The following GPC5 variants were observed in gnomAD, a reference collection of about 807,000 sequenced individuals.
GPC5 encodes glypican-5.
In GPC5, 47 loss-of-function variants were observed where a neutral mutation model predicts 53.9. The observed-to-expected ratio is 0.87, with a 90% confidence interval of 0.69 to 1.11. The LOEUF is 1.11. Among genes scored for constraint, GPC5 ranks in the 50% most tolerant of loss-of-function variants. The probability of loss-of-function intolerance (pLI) is 0.00; values close to 1 mark genes in which losing one functional copy is unlikely to be tolerated. For synonymous variants in GPC5, 286 were observed against 263.3 expected (o/e 1.09, Z -0.84); for missense variants, 748 against 713.1 (o/e 1.05, Z -0.56).
At chr13:92,276,195 A>G (rs57179701) in intron 7 of GPC5, among the ~76,000 whole-genome samples, 12,975 of 152,064 alleles carry the variant, frequency 0.085, 608 homozygotes, top group Middle Eastern at 0.12. Flanking sequence ...TGCATGTCAA[A>G]TTTTGTTCCT....
At chr13:92,514,547 C>T (rs1335968694) in intron 7 of GPC5, among the ~76,000 whole-genome samples, 1 of 152,076 alleles carries the variant, frequency 6.6e-6, no homozygotes, top group Non-Finnish European at 1.5e-5. Flanking sequence ...TATTATCTCC[C>T]TTTCATAGAT....
chr13:91,680,896 T>C (rs2035492822), intron 2 of GPC5, among the ~76,000 whole-genome samples: 1 of 152,208 alleles, frequency 6.6e-6, no homozygotes, highest in Admixed American at 6.5e-5. Flanking sequence ...ATTTTTTGTT[T>C]TGGAAAATCC....
chr13:91,712,462 CATAA>C (rs1350144446), intron 3 of GPC5, among the ~76,000 whole-genome samples: 1 of 151,738 alleles, frequency 6.6e-6, no homozygotes, highest in Non-Finnish European at 1.5e-5. Context: ...AAGTATGAAT[CATAA>C]ATATTTTTAA....
At chr13:91,976,865 C>T (rs1215703290) in intron 6 of GPC5, among the ~76,000 whole-genome samples, 2 of 152,008 alleles carry the variant, frequency 1.3e-5, no homozygotes, top group African/African-American at 4.8e-5. Flanking sequence ...CATGGTGAAA[C>T]CCCGTCTCTA....
chr13:91,542,501 A>T (rs1025921181), intron 2 of GPC5, among the ~76,000 whole-genome samples: 1 of 152,038 alleles, frequency 6.6e-6, no homozygotes, highest in African/African-American at 2.4e-5. Context: ...TGTATTCATG[A>T]TTTTTTCCAG....
At chr13:91,580,051 A>G (rs1413560055) in intron 2 of GPC5, among the ~76,000 whole-genome samples, 1 of 151,336 alleles carries the variant, frequency 6.6e-6, no homozygotes, top group Non-Finnish European at 1.5e-5. Flanking sequence ...ATTAATCTCA[A>G]TACTTAAGGT....
chr13:92,005,010 G>T (rs1208410942), intron 6 of GPC5, among the ~76,000 whole-genome samples: 3 of 152,050 alleles, frequency 2.0e-5, no homozygotes, highest in Non-Finnish European at 2.9e-5. Flanking sequence ...TTGAGGGTGG[G>T]TCTGCCTTTC....
At chr13:92,083,145 G>A (rs935984454) in intron 6 of GPC5, among the ~76,000 whole-genome samples, 3 of 152,122 alleles carry the variant, frequency 2.0e-5, no homozygotes, top group Admixed American at 6.5e-5. Flanking sequence ...TTCCCTTTGG[G>A]GGACAAGAAT....
At chr13:92,707,622 CTCT>C (rs1887995781) in intron 7 of GPC5, among the ~76,000 whole-genome samples, 2 of 151,680 alleles carry the variant, frequency 1.3e-5, no homozygotes, top group Non-Finnish European at 2.9e-5. Flanking sequence ...CAAATGAAAG[CTCT>C]TCTTTAAAAA....
intron 7 of GPC5, chr13:92,448,837 ACTTTG>A (rs1877938673): frequency 6.9e-6 from 1 of 145,836 alleles, no homozygotes; most frequent in Admixed American, 6.8e-5. Flanking sequence ...TTGTTATGGA[ACTTTG>A]AGAGATTCCT....
At chr13:92,405,105 T>A (rs1301368153) in intron 7 of GPC5, among the ~76,000 whole-genome samples, 1 of 150,636 alleles carries the variant, frequency 6.6e-6, no homozygotes, top group East Asian at 1.9e-4. Flanking sequence ...TACATGCATT[T>A]AAGAAAGAAT....
intron 6 of GPC5, among the ~76,000 whole-genome samples, chr13:91,972,280 G>T (rs1028788322): frequency 2.0e-5 from 3 of 152,232 alleles, no homozygotes; most frequent in African/African-American, 7.2e-5. Flanking sequence ...CAGAGACTAG[G>T]ATTGCAACCC....
intron 7 of GPC5, among the ~76,000 whole-genome samples, chr13:92,697,016 G>C (rs1172020632): frequency 6.6e-6 from 1 of 151,994 alleles, no homozygotes; most frequent in Non-Finnish European, 1.5e-5. Context: ...GTAGATGTGT[G>C]GCATGATTTC....
At chr13:92,188,838 C>T (rs964185167) in intron 7 of GPC5, among the ~76,000 whole-genome samples, 10 of 152,310 alleles carry the variant, frequency 6.6e-5, no homozygotes, top group Admixed American at 2.0e-4. Context: ...CACCATGCCA[C>T]CCGACAGCAG....
At chr13:92,154,435 C>T (rs1481376873) in intron 7 of GPC5, among the ~76,000 whole-genome samples, 2 of 152,144 alleles carry the variant, frequency 1.3e-5, no homozygotes, top group Non-Finnish European at 2.9e-5. Context: ...TTGGTTGTGA[C>T]CTCAGGAAGG....
intron 3 of GPC5, among the ~76,000 whole-genome samples, chr13:91,707,418 G>T (rs563555911): frequency 6.6e-6 from 1 of 152,060 alleles, no homozygotes; most frequent in East Asian, 1.9e-4. Flanking sequence ...AGCCTAGGAG[G>T]TCAAGACCAG....
At chr13:92,362,738 G>A (rs1278365794) in intron 7 of GPC5, among the ~76,000 whole-genome samples, 4 of 151,690 alleles carry the variant, frequency 2.6e-5, no homozygotes, top group Non-Finnish European at 5.9e-5. Flanking sequence ...ATTTTCCTCA[G>A]GCTTGAAAAT....
At chr13:91,525,789 G>T (rs148440858) in intron 2 of GPC5, among the ~76,000 whole-genome samples, 8 of 151,986 alleles carry the variant, frequency 5.3e-5, no homozygotes, top group Admixed American at 1.3e-4. Context: ...CAATAATGTC[G>T]CACTTAGCAG....
At chr13:92,697,943 A>T (rs1463799410) in intron 7 of GPC5, among the ~76,000 whole-genome samples, 3 of 152,150 alleles carry the variant, frequency 2.0e-5, no homozygotes, top group African/African-American at 7.2e-5. Flanking sequence ...TACTGTATCT[A>T]TTGAGATAAT....
Sources: gnomAD v4.1 joint callset for allele counts (sites outside exome capture counted in the v4.1 genomes callset) on GRCh38, gnomAD v4.1.1 for gene constraint, MANE v1.5 for transcripts, NCBI Gene and HGNC (gene_info 2026-07-23, HGNC 2026-07-21) for gene names.